The following ITPKC variants were observed in gnomAD, a reference collection of about 807,000 sequenced individuals.
ITPKC encodes IP3 3-kinase C.
In ITPKC, 33 loss-of-function variants were observed where a neutral mutation model predicts 67.1. That is an observed-to-expected ratio of 0.49 (90% CI 0.37 to 0.66). The LOEUF (loss-of-function observed/expected upper bound fraction) is 0.66, where lower values mean the gene tolerates loss of function less well. Ranked by LOEUF, ITPKC falls within the 30% of genes least tolerant of loss-of-function variation. ITPKC has a pLI of 0.00. For synonymous variants in ITPKC, 341 were observed against 359.8 expected, an observed-to-expected ratio of 0.95 and a Z score of 0.59; for missense variants, 820 against 892.1, an observed-to-expected ratio of 0.92 and a Z score of 1.03.
chr19:40,724,841 C>T (rs1394763299), intron 1 of ITPKC, among the ~76,000 whole-genome samples: 1 of 151,102 alleles, frequency 6.6e-6, no homozygotes, highest in African/African-American at 2.4e-5. Flanking sequence ...CCCAGCTACT[C>T]GGAGGGTGAG....
At chr19:40,718,416 T>A in intron 1 of ITPKC, 126 bp downstream of exon 1, 1 of 1,243,498 alleles carries the variant, frequency 8.0e-7, no homozygotes, top group Non-Finnish European at 1.1e-6. Flanking sequence ...TCCGGGAACC[T>A]CTTCCATCCA....
In ITPKC at chr19:40,740,475, GC is replaced by G; in HGVS notation, c.*919del. Reference sequence around the variant, plus strand: ...TCAGGAGGGCCCCATCCAATCCCGGGCCCCTGCAGGGAAAAGCGCTGGGTGT... The same window carrying G: ...TCAGGAGGGCCCCATCCAATCCCGGGCCCTGCAGGGAAAAGCGCTGGGTGT... On this transcript the variant is annotated 3_prime_UTR_variant, in exon 7 of 7. Transcript: ENST00000263370. 4.8e-6 allele frequency: 1 copy of G among 206,980 alleles called. No individual in the cohort carries two copies. Among genetic ancestry groups the G allele is most frequent in the Non-Finnish European group, 9.7e-6 (1 of 102,838 alleles). 12.8% of individuals were successfully genotyped at this position (206,980 alleles called of 1,614,324 possible).
intron 5 of ITPKC, 127 bp downstream of exon 5, chr19:40,737,214 G>T: frequency 1.5e-6 from 1 of 679,700 alleles, no homozygotes; most frequent in Admixed American, 2.3e-5. Context: ...TGCTCAGTCT[G>T]AGGTCAGCTG....
At chr19:40,726,462 G>A (rs1184898943) in intron 2 of ITPKC, among the ~76,000 whole-genome samples, 3 of 152,300 alleles carry the variant, frequency 2.0e-5, no homozygotes, top group Non-Finnish European at 4.4e-5. Context: ...GTGGGCCTAT[G>A]GTCTCTGTCG....
In ITPKC at chr19:40,718,192, G is replaced by A. The variant is rs137870702; in HGVS notation, c.1057G>A (p.Gly353Ser). ...PVGPPSRVEG[G>S]SGGFSSASSF... ...GGGACCCCCCTCCCGGGTTGAGGGG[G>A]GCAGCGGCGGCTTCTCCTCTGCCTC... is the stretch of plus-strand genomic sequence containing the variant. The change falls in exon 1 of 7, where the codon GGC becomes AGC. Residue 353 changes from glycine to serine, a missense_variant. Transcript: ENST00000263370. The A allele has an allele frequency of 4.4e-6, 7 of 1,573,624 alleles. No individual in the cohort carries two copies. The highest frequency in any genetic ancestry group is 6.0e-6 in the Non-Finnish European group (7 of 1,163,222).
In ITPKC at chr19:40,733,169, G is replaced by A. The variant is rs2082279506; in HGVS notation, c.1479G>A (p.Leu493=). The change falls in exon 4 of 7, where the codon CTG becomes CTA. Residue 493 remains leucine (L), a synonymous_variant. Coordinates refer to ENST00000263370, the MANE Select transcript of ITPKC (RefSeq NM_025194.3). ...TCCTCTGTGTGCTCAGGACCTATCT[G>A]GAAGAGGAGCTAGTGAAGGCACGGG... ...MDCKMGSRTY[L]EEELVKARER... 5 of 1,614,020 alleles carry A rather than the reference G, an allele frequency of 3.1e-6. No individual in the cohort carries two copies. In the East Asian group the frequency reaches 1.1e-4, roughly 36 times the overall value.
chr19:40,728,974 G>A (rs1259924314), intron 2 of ITPKC, among the ~76,000 whole-genome samples: 2 of 152,128 alleles, frequency 1.3e-5, no homozygotes, highest in African/African-American at 4.8e-5. Context: ...GTTGCAGTGA[G>A]CCGAGATCGC....
chr19:40,732,195 A>G (rs1165665379), intron 3 of ITPKC, among the ~76,000 whole-genome samples: 1 of 146,228 alleles, frequency 6.8e-6, no homozygotes, highest in African/African-American at 2.6e-5. Context: ...AGCCAAGATC[A>G]CGCCACTGTA....
intron 4 of ITPKC, among the ~76,000 whole-genome samples, chr19:40,735,855 C>T (rs1260178556): frequency 6.6e-6 from 1 of 152,166 alleles, no homozygotes; most frequent in Non-Finnish European, 1.5e-5. Context: ...ATATGCCAGG[C>T]ACTGTGCTGT....
At chr19:40,735,087 G>A (rs920628853) in intron 4 of ITPKC, among the ~76,000 whole-genome samples, 1 of 151,926 alleles carries the variant, frequency 6.6e-6, no homozygotes, top group African/African-American at 2.4e-5. Context: ...CCGGCCTAAT[G>A]TTTGTATTTT....
chr19:40,718,628 A>T (rs2144729777), intron 1 of ITPKC, among the ~76,000 whole-genome samples: 1 of 152,224 alleles, frequency 6.6e-6, no homozygotes, highest in East Asian at 1.9e-4. Context: ...TGTTGCAGCG[A>T]CGGTCTGACA....
chr19:40,717,282 G>A lies in ITPKC; in HGVS notation c.147G>A (p.Pro49=), dbSNP rs555739576. The change falls in exon 1 of 7, where the codon CCG becomes CCA. Residue 49 remains proline (P), a synonymous_variant. Coordinates refer to ENST00000263370, the MANE Select transcript of ITPKC (RefSeq NM_025194.3). ...QQRPGPGAGA[P]AGRPEGGGPW... is the part of the protein sequence containing the mutation. Reference sequence around the variant, plus strand: ...GACCTGGGCCCGGCGCAGGGGCCCCGGCGGGGCGGCCGGAGGGGGGCGGGC... The same window carrying A: ...GACCTGGGCCCGGCGCAGGGGCCCCAGCGGGGCGGCCGGAGGGGGGCGGGC... The A allele has an allele frequency of 2.1e-6, 3 of 1,453,176 alleles. No homozygotes were observed. Among genetic ancestry groups the A allele is most frequent in the Non-Finnish European group, 1.8e-6 (2 of 1,108,486 alleles). 90.0% of individuals were successfully genotyped at this position (1,453,176 alleles called of 1,614,324 possible).
chr19:40,736,843 T>TTA (rs10664807), intron 4 of ITPKC, 143 bp from the exon 5 acceptor site: 10 of 508,946 alleles, frequency 2.0e-5, no homozygotes, highest in Admixed American at 1.6e-4. Context: ...TTTTTTTTTT[T>TTA]AAATAGAGAT....
At chr19:40,719,079 C>T (rs976792012) in intron 1 of ITPKC, among the ~76,000 whole-genome samples, 5 of 152,086 alleles carry the variant, frequency 3.3e-5, no homozygotes, top group African/African-American at 1.2e-4. Context: ...GGCTGGGAGC[C>T]GTGGGGCTGG....
rs553733796 is a variant in ITPKC, at chr19:40,734,953, T to C, written c.1674+1589T>C. On this transcript the variant is annotated intron_variant, in intron 4 of 6. Coordinates refer to ENST00000263370, the MANE Select transcript of ITPKC (RefSeq NM_025194.3). ...TGCACCACCGCTCCTGGCTAATTTTTGTATTTTTAGTAGAGACAGGGTTTC... is the reference window on the plus strand; with the variant it reads ...TGCACCACCGCTCCTGGCTAATTTTCGTATTTTTAGTAGAGACAGGGTTTC... 2.0e-5 allele frequency among the ~76,000 whole-genome samples: 3 copies of C among 152,274 alleles called. No individual in the cohort carries two copies. The East Asian group carries it at 5.8e-4, about 29-fold the overall frequency.
intron 6 of ITPKC, among the ~76,000 whole-genome samples, chr19:40,739,125 G>A (rs1265867020): frequency 6.6e-6 from 1 of 152,206 alleles, no homozygotes; most frequent in Non-Finnish European, 1.5e-5. Context: ...TGAAACCACG[G>A]ACTGGGGAGA....
intron 1 of ITPKC, among the ~76,000 whole-genome samples, chr19:40,722,072 T>C (rs1053807368): frequency 1.3e-5 from 2 of 152,112 alleles, no homozygotes; most frequent in African/African-American, 4.8e-5. Flanking sequence ...AGAATGTTTC[T>C]GGAGCGTCTG....
Position 40,717,666 on chromosome 19 carries a change from A to G in ITPKC, c.531A>G (p.Glu177=). ...PGVHGPWTEL[E]THGSQTQPER... Reference sequence around the variant, plus strand: ...TTCATGGGCCCTGGACAGAGCTGGAAACGCATGGGTCACAGACTCAGCCAG... The same window carrying G: ...TTCATGGGCCCTGGACAGAGCTGGAGACGCATGGGTCACAGACTCAGCCAG... Residue 177 remains glutamate (E), a synonymous_variant, in exon 1 of 7, where the codon GAA becomes GAG. Transcript: ENST00000263370. 1 of 1,614,054 alleles carries G rather than the reference A, an allele frequency of 6.2e-7. No individual in the cohort carries two copies. The highest frequency in any genetic ancestry group is 8.5e-7 in the Non-Finnish European group (1 of 1,179,978).
intron 1 of ITPKC, among the ~76,000 whole-genome samples, chr19:40,722,550 T>A (rs898325706): frequency 1.3e-5 from 2 of 152,090 alleles, no homozygotes; most frequent in Non-Finnish European, 2.9e-5. Flanking sequence ...AACACGTCCC[T>A]GATCCTGGGG....
Sources: allele counts gnomAD v4.1 joint callset (sites outside exome capture counted in the v4.1 genomes callset), GRCh38; gene constraint gnomAD v4.1.1; transcripts MANE v1.5; gene names NCBI Gene and HGNC (gene_info 2026-07-23, HGNC 2026-07-21).